The following ADM variants were observed in gnomAD, a reference collection of about 807,000 sequenced individuals.
ADM encodes pro-adrenomedullin.
Under a neutral mutation model 9.0 loss-of-function variants are expected in ADM, and 4 were observed. The observed-to-expected ratio is 0.44, with a 90% CI of 0.22 to 1.02. The LOEUF (loss-of-function observed/expected upper bound fraction) is 1.02, where lower values mean the gene tolerates loss of function less well. Among genes scored for constraint, ADM ranks in the 50% least tolerant of loss-of-function variants. The pLI, the probability that ADM is intolerant of heterozygous loss-of-function variation, is 0.24. For missense variants in ADM, 253 were observed against 254.1 expected, an observed-to-expected ratio of 1.00 and a Z score of 0.03; for synonymous variants, 107 against 107.2, an observed-to-expected ratio of 1.00 and a Z score of 0.01.
At position 10,306,098 on chromosome 11, in the gene ADM, G is replaced by T. The variant is rs1223050872; in HGVS notation, c.248G>T (p.Ser83Ile). The T allele has an allele frequency of 3.7e-6, 6 of 1,613,728 alleles. No individual in the cohort carries two copies. The highest frequency in any genetic ancestry group is 5.1e-6 in the Non-Finnish European group (6 of 1,180,000). ...MKGASRSPEDSSPDAARIRVK... is the reference protein window; with the variant it reads ...MKGASRSPEDISPDAARIRVK... ...GGTGCCTCTCGAAGCCCCGAAGACAGGTAACTACGCCCTGTGCTGTCCAGG... is the reference window on the plus strand; with the variant it reads ...GGTGCCTCTCGAAGCCCCGAAGACATGTAACTACGCCCTGTGCTGTCCAGG... Residue 83 changes from serine to isoleucine, a missense_variant and splice_region_variant, in exon 3 of 4, where the codon AGC becomes ATC. Ser to Ile is a moderately radical substitution (Grantham distance 142). Coordinates refer to ENST00000278175, the MANE Select transcript of ADM (RefSeq NM_001124.3).
Position 10,306,981 on chromosome 11 carries a change from T to G in ADM, c.*340T>G. 8.9e-6 allele frequency: 2 copies of G among 225,986 alleles called. No homozygotes were observed. Among genetic ancestry groups the G allele is most frequent in the Non-Finnish European group, 8.6e-6 (1 of 116,254 alleles). 14.0% of individuals were successfully genotyped at this position (225,986 alleles called of 1,614,324 possible). ...ACAGCCGTGCTCGCCCACAAACTGA[T>G]TTCTCACGGCGTGTCACCCCACCAG... is the stretch of plus-strand genomic sequence containing the variant. On this transcript the variant is annotated 3_prime_UTR_variant, in exon 4 of 4. Transcript: ENST00000278175.
At chr11:10,306,311 T>TGGGGGGGGGCCCG in intron 3 of ADM, 21 bp from the exon 4 acceptor site, 2 of 1,543,776 alleles carry the variant, frequency 1.3e-6, no homozygotes, top group Non-Finnish European at 1.8e-6. Context: ...TTGCCTTTCT[T>TGGGGGGGGGCCCG]CCCCCTCCCC....
At position 10,305,665 on chromosome 11, in the gene ADM, TTTC is replaced by T; in HGVS notation, c.-21-9_-21-7del. ...GCCCGGGTGCTCACGCTCGACTCTC[TTTC>T]TTCTTTTCCAGGGTCTGCGCTTCGC... On this transcript the variant is annotated splice_polypyrimidine_tract_variant and intron_variant, in intron 1 of 3. Transcript: ENST00000278175. 1.2e-6 allele frequency: 2 copies of T among 1,606,898 alleles called. No individual in the cohort carries two copies. The highest frequency in any genetic ancestry group is 1.7e-6 in the Non-Finnish European group (2 of 1,176,078).
chr11:10,306,679 G>A lies in ADM; in HGVS notation c.*38G>A. The stretch of plus-strand genomic sequence containing the variant: ...CATGGTACAAGGAATAGTCGCGCAA[G>A]CATCCCGCTGGTGCCTCCCGGGACG... On this transcript the variant is annotated 3_prime_UTR_variant, in exon 4 of 4. Transcript: ENST00000278175. 6.7e-7 allele frequency: 1 copy of A among 1,493,304 alleles called. No individual in the cohort carries two copies. Among genetic ancestry groups the A allele is most frequent in the South Asian group, 1.4e-5 (1 of 71,348 alleles). 92.5% of individuals were successfully genotyped at this position (1,493,304 alleles called of 1,614,324 possible).
chr11:10,305,553 A>G (rs927381042), intron 1 of ADM, 127 bp from the exon 2 acceptor site: 8 of 732,338 alleles, frequency 1.1e-5, no homozygotes, highest in African/African-American at 1.8e-5. Flanking sequence ...GAGGGAGATA[A>G]GCGTCTGAGC....
Position 10,306,696 on chromosome 11 carries a change from C to A in ADM, c.*55C>A. 1 of 1,480,682 alleles carries A rather than the reference C, an allele frequency of 6.8e-7. No individual in the cohort carries two copies. Among genetic ancestry groups the A allele is most frequent in the East Asian group, 2.4e-5 (1 of 42,128 alleles). 91.7% of individuals were successfully genotyped at this position (1,480,682 alleles called of 1,614,324 possible). On this transcript the variant is annotated 3_prime_UTR_variant, in exon 4 of 4. Transcript: ENST00000278175. ...TCGCGCAAGCATCCCGCTGGTGCCT[C>A]CCGGGACGAAGGACTTCCCGAGCGG...
intron 3 of ADM, 49 bp from the exon 4 acceptor site, chr11:10,306,283 G>C: frequency 6.3e-7 from 1 of 1,595,368 alleles, no homozygotes; most frequent in South Asian, 1.1e-5. Flanking sequence ...CCAAAGCTCT[G>C]CTTGATGGGG....
At chr11:10,305,889 C>A in intron 2 of ADM, 60 bp from the exon 3 acceptor site, 2 of 1,611,968 alleles carry the variant, frequency 1.2e-6, no homozygotes, top group Middle Eastern at 1.7e-4. Flanking sequence ...TGAATGGGAG[C>A]AGGGACAGGC....
chr11:10,305,779 G>A lies in ADM; in HGVS notation c.79G>A (p.Ala27Thr), dbSNP rs772717944. Residue 27 changes from alanine (A) to threonine (T), a missense_variant, in exon 2 of 4, where the codon GCG (alanine) becomes ACG (threonine). Coordinates refer to ENST00000278175, the MANE Select transcript of ADM (RefSeq NM_001124.3). ...CGCTGACACCGCTCGGTTGGATGTCGCGTCGGAGTTTCGAAAGAAGTGAGT... is the reference window on the plus strand; with the variant it reads ...CGCTGACACCGCTCGGTTGGATGTCACGTCGGAGTTTCGAAAGAAGTGAGT... ...LGADTARLDV[A>T]SEFRKKWNKW... is the part of the protein sequence containing the mutation. The A allele has an allele frequency of 9.3e-6, 15 of 1,614,044 alleles. No individual in the cohort carries two copies. Among genetic ancestry groups the A allele is most frequent in the African/African-American group, 1.3e-5 (1 of 74,950 alleles).
chr11:10,305,886 G>A (rs1964649657), intron 2 of ADM, 63 bp from the exon 3 acceptor site: 3 of 1,612,188 alleles, frequency 1.9e-6, no homozygotes, highest in Admixed American at 3.3e-5. Context: ...AAGTGAATGG[G>A]AGCAGGGACA....
In ADM at chr11:10,306,956, A is replaced by G; in HGVS notation, c.*315A>G. ...GACCCCCGGAGCAGGGGTCTGAGCC[A>G]CAGCCGTGCTCGCCCACAAACTGAT... On this transcript the variant is annotated 3_prime_UTR_variant, in exon 4 of 4. Transcript: ENST00000278175. The G allele has an allele frequency of 3.7e-6, 1 of 270,400 alleles. No homozygotes were observed. The highest frequency in any genetic ancestry group is 6.9e-6 in the Non-Finnish European group (1 of 144,576). 16.8% of individuals were successfully genotyped at this position (270,400 alleles called of 1,614,324 possible). A position where few individuals can be genotyped will look rare whatever the true frequency, so the allele number is the denominator to read the frequency against.
In ADM at chr11:10,305,664, C is replaced by G. The variant is rs1964645707; in HGVS notation, c.-21-16C>G. 2 of 1,606,688 alleles carry G rather than the reference C, an allele frequency of 1.2e-6. No individual in the cohort carries two copies. Among genetic ancestry groups the G allele is most frequent in the East Asian group, 4.5e-5 (2 of 44,784 alleles). On this transcript the variant is annotated splice_polypyrimidine_tract_variant and intron_variant, in intron 1 of 3. Transcript: ENST00000278175. Reference sequence around the variant, plus strand: ...GGCCCGGGTGCTCACGCTCGACTCTCTTTCTTCTTTTCCAGGGTCTGCGCT... The same window carrying G: ...GGCCCGGGTGCTCACGCTCGACTCTGTTTCTTCTTTTCCAGGGTCTGCGCT...
At chr11:10,306,311 T>TGGGCGGGGG in intron 3 of ADM, 21 bp from the exon 4 acceptor site, 1 of 1,543,792 alleles carries the variant, frequency 6.5e-7, no homozygotes, top group Non-Finnish European at 8.9e-7. Flanking sequence ...TTGCCTTTCT[T>TGGGCGGGGG]CCCCCTCCCC....
In ADM at chr11:10,305,791, C is replaced by A; in HGVS notation, c.91C>A (p.Arg31=). The A allele has an allele frequency of 6.2e-7, 1 of 1,614,148 alleles. No homozygotes were observed. The highest frequency in any genetic ancestry group is 8.5e-7 in the Non-Finnish European group (1 of 1,180,034). ...TARLDVASEF[R]KKWNKWALSR... is the part of the protein sequence containing the mutation. The stretch of plus-strand genomic sequence containing the variant: ...TCGGTTGGATGTCGCGTCGGAGTTT[C>A]GAAAGAAGTGAGTCCGGGCAGCGCC... Residue 31 remains arginine, a synonymous_variant, in exon 2 of 4, where the codon CGA becomes AGA. Transcript: ENST00000278175.
rs944433043 is a variant in ADM at position 10,307,249 on chromosome 11, C to T, written c.*608C>T. On this transcript the variant is annotated 3_prime_UTR_variant, in exon 4 of 4. Transcript: ENST00000278175. This position sits in a 1 kb window ranked among gnomAD's most constrained non-coding sequence, Gnocchi z 4.5. ...CTCAGCGAGGTGTAAAGTTGTTCGCCGCGTGGAATGTGAGTGTGTTTGTGT... is the reference window on the plus strand; with the variant it reads ...CTCAGCGAGGTGTAAAGTTGTTCGCTGCGTGGAATGTGAGTGTGTTTGTGT... The T allele has an allele frequency of 6.6e-6, 1 of 152,602 alleles. No homozygotes were observed. Among genetic ancestry groups the T allele is most frequent in the Non-Finnish European group, 1.5e-5 (1 of 68,042 alleles). 9.5% of individuals were successfully genotyped at this position (152,602 alleles called of 1,614,324 possible). A position where few individuals can be genotyped will look rare whatever the true frequency, so the allele number is the denominator to read the frequency against.
At position 10,306,778 on chromosome 11, in the gene ADM, C is replaced by G; in HGVS notation, c.*137C>G. 2.3e-6 allele frequency: 2 copies of G among 859,114 alleles called. No homozygotes were observed. The highest frequency in any genetic ancestry group is 3.4e-6 in the Non-Finnish European group (2 of 594,750). 53.2% of individuals were successfully genotyped at this position (859,114 alleles called of 1,614,324 possible). A position where few individuals can be genotyped will look rare whatever the true frequency, so the allele number is the denominator to read the frequency against. ...GACCCTGAGTCCGGGAGGCACCGTC[C>G]GGCGGCGAGCTCTGGCTTTGCAAGG... On this transcript the variant is annotated 3_prime_UTR_variant, in exon 4 of 4. Transcript: ENST00000278175.
intron 2 of ADM, 30 bp from the exon 3 acceptor site, chr11:10,305,919 A>G: frequency 6.2e-7 from 1 of 1,613,012 alleles, no homozygotes; most frequent in Non-Finnish European, 8.5e-7. Context: ...ACCTGAACGC[A>G]CGCGAATCGG....
chr11:10,305,637 C>G, intron 1 of ADM, 43 bp from the exon 2 acceptor site: 1 of 1,553,534 alleles, frequency 6.4e-7, no homozygotes, highest in Non-Finnish European at 8.8e-7. Flanking sequence ...GGCGGTGCAG[C>G]TGGCCCGGGT....
In ADM at chr11:10,307,222, G is replaced by GTC. The variant is rs1464807799; in HGVS notation, c.*584_*585dup. 2 of 152,726 alleles carry GTC rather than the reference G, an allele frequency of 1.3e-5. No homozygotes were observed. Among genetic ancestry groups the GTC allele is most frequent in the East Asian group, 3.9e-4 (2 of 5,184 alleles). 9.5% of individuals were successfully genotyped at this position (152,726 alleles called of 1,614,324 possible). On this transcript the variant is annotated 3_prime_UTR_variant, in exon 4 of 4. Transcript: ENST00000278175. The surrounding 1 kb of genome is among the most constrained non-coding windows in gnomAD (Gnocchi z 4.5). ...TCCTCCCCTATTTTAAGACGTGAAT[G>GTC]TCTCAGCGAGGTGTAAAGTTGTTCG...
Sources: allele counts gnomAD v4.1 joint callset, GRCh38; gene constraint gnomAD v4.1.1; non-coding constraint Gnocchi (gnomAD v3.1); transcripts MANE v1.5; gene names NCBI Gene and HGNC (gene_info 2026-07-23, HGNC 2026-07-21).